TRAK1: variants seen among roughly 807,000 people sequenced by gnomAD.
TRAK1 encodes trafficking kinesin protein 1.
Under a neutral mutation model 92.1 loss-of-function variants are expected in TRAK1, and 33 were observed. The ratio of observed to expected loss-of-function variants is 0.36; its 90% confidence interval spans 0.27 to 0.48. The LOEUF (loss-of-function observed/expected upper bound fraction) is 0.48, where lower values mean the gene tolerates loss of function less well. Among genes scored for constraint, TRAK1 ranks in the 20% least tolerant of loss-of-function variants. The probability of loss-of-function intolerance (pLI) is 0.99; values close to 1 mark genes in which losing one functional copy is unlikely to be tolerated. For synonymous variants in TRAK1, 521 were observed against 517.3 expected, an observed-to-expected ratio of 1.01 and a Z score of -0.10; for missense variants, 1,123 against 1,257.9, an observed-to-expected ratio of 0.89 and a Z score of 1.62.
intron 1 of TRAK1, among the ~76,000 whole-genome samples, chr3:42,104,028 G>T (rs1027033123): frequency 1.3e-5 from 2 of 152,172 alleles, no homozygotes; most frequent in African/African-American, 4.8e-5. Context: ...TATATCCTGC[G>T]CCTGGCTTGG....
intron 15 of TRAK1, among the ~76,000 whole-genome samples, chr3:42,222,577 CT>C (rs1710461949): frequency 6.6e-6 from 1 of 152,212 alleles, no homozygotes; most frequent in Non-Finnish European, 1.5e-5. Flanking sequence ...AAAGGGCTTC[CT>C]TTCCCGTTCT....
chr3:42,166,905 G>T (rs556097394), intron 2 of TRAK1, among the ~76,000 whole-genome samples: 2 of 152,200 alleles, frequency 1.3e-5, no homozygotes, highest in Admixed American at 1.3e-4. Flanking sequence ...ACCATTGTTC[G>T]TACGGCTCTG....
At chr3:42,217,770 C>T (rs1709884601) in intron 14 of TRAK1, 1 of 985,226 alleles carries the variant, frequency 1.0e-6, no homozygotes, top group South Asian at 4.7e-5. Flanking sequence ...ATGCTCTTCC[C>T]AGGCTTTTTG....
chr3:42,220,385 A>AC (rs1457958507), intron 15 of TRAK1: 26 of 704,438 alleles, frequency 3.7e-5, no homozygotes, highest in Non-Finnish European at 4.4e-5. Flanking sequence ...GAGTAGAACG[A>AC]CCCCCTCAGC....
intron 3 of TRAK1, 89 bp from the exon 4 acceptor site, chr3:42,184,596 A>G (rs1303290505): frequency 2.4e-6 from 3 of 1,228,312 alleles, no homozygotes; most frequent in Admixed American, 4.2e-5. Context: ...CTAGATGCTT[A>G]TGTTTTCCTC....
chr3:42,168,437 A>G (rs1006534437), intron 2 of TRAK1, among the ~76,000 whole-genome samples: 8 of 152,210 alleles, frequency 5.3e-5, no homozygotes, highest in Non-Finnish European at 1.0e-4. Flanking sequence ...TAACTAGACA[A>G]TTCAAAGATT....
At chr3:42,069,612 C>T (rs1012065486) in intron 1 of TRAK1, among the ~76,000 whole-genome samples, 2 of 152,124 alleles carry the variant, frequency 1.3e-5, no homozygotes, top group Non-Finnish European at 2.9e-5. Flanking sequence ...AATTTTCCCA[C>T]TTAATCTATC....
At chr3:42,067,885 CT>C (rs1245555302) in intron 1 of TRAK1, among the ~76,000 whole-genome samples, 1 of 151,852 alleles carries the variant, frequency 6.6e-6, no homozygotes, top group Non-Finnish European at 1.5e-5. Context: ...GAAGCAGGAT[CT>C]TATGGCCAGG....
At position 42,194,892 on chromosome 3, in the gene TRAK1, T is replaced by C. The variant is rs1295862762; in HGVS notation, c.1064T>C (p.Met355Thr). 2 of 1,613,996 alleles carry C rather than the reference T, an allele frequency of 1.2e-6. No homozygotes were observed. The highest frequency in any genetic ancestry group is 1.1e-5 in the South Asian group (1 of 91,006). The change falls in exon 10 of 16, where the codon ATG (methionine) becomes ACG (threonine). Residue 355 changes from methionine (M) to threonine (T), a missense_variant. Physicochemically the swap from Met to Thr is moderately conservative, Grantham distance 81. Transcript: ENST00000327628. Reference sequence around the variant, plus strand: ...CTGAAGAACCTCCGGAACAAAACCATGCCCAATACCACGTCTCGGCGCTAC... The same window carrying C: ...CTGAAGAACCTCCGGAACAAAACCACGCCCAATACCACGTCTCGGCGCTAC... ...EELKNLRNKT[M>T]PNTTSRRYHS...
rs145456644 is a variant in TRAK1 at position 42,199,700 on chromosome 3, G to A, written c.1190+447G>A. Among the ~76,000 whole-genome samples the A allele has an allele frequency of 7.3e-3, 1,115 of 152,252 alleles. 7 individuals carry two copies. Among genetic ancestry groups the A allele is most frequent in the African/African-American group, 0.019 (780 of 41,536 alleles). ...CTCAAACTCCTGGCTTCAAGTGATC[G>A]TCCTGCCTTGGCCTTCCCAAAGTGT... On this transcript the variant is annotated intron_variant, in intron 11 of 15. Transcript: ENST00000327628.
At position 42,193,837 on chromosome 3, in the gene TRAK1, A is replaced by G. The variant is rs990762516; in HGVS notation, c.914A>G (p.Asn305Ser). The change falls in exon 9 of 16, where the codon AAT (asparagine) becomes AGT (serine). Residue 305 changes from asparagine to serine, a missense_variant. This residue lies in a region of TRAK1 where 686 missense variants were observed against 747.6 expected (regional missense o/e 0.92). Transcript: ENST00000327628. Reference protein sequence around the residue: ...QKKAKACAVENEELVQHLGAA... With the variant: ...QKKAKACAVESEELVQHLGAA... The stretch of plus-strand genomic sequence containing the variant: ...GCCATGCTTTAGTGCGCAGTGGAAA[A>G]TGAAGAACTTGTCCAGCATCTGGGG... The G allele has an allele frequency of 3.1e-6, 5 of 1,614,060 alleles. No homozygotes were observed. The South Asian group carries it at 3.3e-5, about 11-fold the overall frequency.
intron 4 of TRAK1, among the ~76,000 whole-genome samples, chr3:42,185,862 C>T (rs1403651900): frequency 1.3e-5 from 2 of 150,888 alleles, no homozygotes; most frequent in Non-Finnish European, 3.0e-5. Flanking sequence ...TTGGTAGAGA[C>T]GGGGTTTCAC....
chr3:42,161,255 G>T (rs1346180176), intron 2 of TRAK1, among the ~76,000 whole-genome samples: 1 of 152,184 alleles, frequency 6.6e-6, no homozygotes, highest in Non-Finnish European at 1.5e-5. Flanking sequence ...GGAGCTTTGG[G>T]GGCTGATCAG....
At chr3:42,050,933 A>G (rs1702954518) in intron 1 of TRAK1, among the ~76,000 whole-genome samples, 1 of 152,260 alleles carries the variant, frequency 6.6e-6, no homozygotes, top group Admixed American at 6.5e-5. Context: ...TTAAGGAAAT[A>G]AAGTCGGAGA....
At chr3:42,013,147 T>A (rs2148870041), upstream of TRAK1, among the ~76,000 whole-genome samples, 1 of 152,258 alleles carries the variant, frequency 6.6e-6, no homozygotes, top group Admixed American at 6.5e-5. This position sits in a 1 kb window ranked among gnomAD's most constrained non-coding sequence, Gnocchi z 5.1. Context: ...TTTGGTGGCA[T>A]CTTAGTCCAA....
chr3:42,222,859 C>A (rs542178023), intron 15 of TRAK1, 83 bp from the exon 16 acceptor site: 4 of 1,486,584 alleles, frequency 2.7e-6, no homozygotes, highest in African/African-American at 1.4e-5. Context: ...CGTCCCTACC[C>A]CCCCTGCAGG....
chr3:42,096,407 T>C (rs1245030567), intron 1 of TRAK1, among the ~76,000 whole-genome samples: 4 of 152,088 alleles, frequency 2.6e-5, no homozygotes, highest in African/African-American at 9.7e-5. Context: ...TGTGTGCCAC[T>C]ACACTCGGCT....
intron 1 of TRAK1, among the ~76,000 whole-genome samples, chr3:42,058,408 G>A (rs1253909791): frequency 6.6e-6 from 1 of 152,010 alleles, no homozygotes; most frequent in Non-Finnish European, 1.5e-5. Flanking sequence ...TGTGATCTCA[G>A]CTCACTGCAA....
chr3:42,176,045 G>A (rs1703165874), intron 2 of TRAK1, among the ~76,000 whole-genome samples: 1 of 152,170 alleles, frequency 6.6e-6, no homozygotes, highest in African/African-American at 2.4e-5. Context: ...CAACCCTGAT[G>A]TATCTTTAGC....
Sources: gnomAD v4.1 joint callset for allele counts (sites outside exome capture counted in the v4.1 genomes callset) on GRCh38, gnomAD v4.1.1 for gene constraint, gnomAD v4.1.1 regional missense constraint, Gnocchi (gnomAD v3.1) non-coding constraint, MANE v1.5 for transcripts, NCBI Gene and HGNC (gene_info 2026-07-23, HGNC 2026-07-21) for gene names.